The following FRMD4A variants were observed in gnomAD, a reference collection of about 807,000 sequenced individuals.
FRMD4A encodes FERM domain-containing protein 4A.
Under a neutral mutation model 129.1 loss-of-function variants are expected in FRMD4A, and 29 were observed. The ratio of observed to expected loss-of-function variants is 0.22; its 90% CI spans 0.17 to 0.31. FRMD4A has a LOEUF of 0.31. Among genes scored for constraint, FRMD4A ranks in the 10% least tolerant of loss-of-function variants. The pLI, the probability that FRMD4A is intolerant of heterozygous loss-of-function variation, is 1.00. For synonymous variants in FRMD4A, 634 were observed against 571.6 expected (o/e 1.11, Z -1.56); for missense variants, 1,272 against 1,375.8 (o/e 0.92, Z 1.19).
At chr10:14,282,788 G>A (rs1845563880) in intron 2 of FRMD4A, among the ~76,000 whole-genome samples, 1 of 152,110 alleles carries the variant, frequency 6.6e-6, no homozygotes, top group Non-Finnish European at 1.5e-5. Context: ...ATTTAGCTGT[G>A]GTGAAAATTT....
chr10:14,082,892 A>G (rs532192533), intron 2 of FRMD4A: 1 of 152,362 alleles, frequency 6.6e-6, no homozygotes, highest in Admixed American at 6.5e-5. Context: ...TGTTCCCAGC[A>G]CCTAGCAGAG....
intron 8 of FRMD4A, among the ~76,000 whole-genome samples, chr10:13,754,624 T>A (rs1043828404): frequency 3.0e-4 from 45 of 151,900 alleles, no homozygotes; most frequent in African/African-American, 1.0e-3. Flanking sequence ...AAATAGTATA[T>A]GAGAATTATA....
intron 12 of FRMD4A, among the ~76,000 whole-genome samples, chr10:13,708,507 C>T (rs1365975529): frequency 2.6e-5 from 4 of 152,350 alleles, no homozygotes; most frequent in South Asian, 2.1e-4. Context: ...TCTCTTATTA[C>T]AGAGTTGCCT....
chr10:13,866,053 C>G (rs1411242039), intron 2 of FRMD4A, among the ~76,000 whole-genome samples: 1 of 152,156 alleles, frequency 6.6e-6, no homozygotes, highest in African/African-American at 2.4e-5. Context: ...TTCTGATATT[C>G]ATTTTTGAGA....
chr10:14,020,789 T>C (rs1588794455), intron 2 of FRMD4A, among the ~76,000 whole-genome samples: 1 of 151,648 alleles, frequency 6.6e-6, no homozygotes, highest in African/African-American at 2.4e-5. Flanking sequence ...GAGTGAAGGC[T>C]GTGCTTAGAA....
At chr10:14,075,232 G>A (rs897144417) in intron 2 of FRMD4A, among the ~76,000 whole-genome samples, 1 of 152,146 alleles carries the variant, frequency 6.6e-6, no homozygotes, top group Non-Finnish European at 1.5e-5. Flanking sequence ...AGCACTTTAT[G>A]TCCTGGTGAA....
chr10:13,938,148 G>A (rs776622687), intron 2 of FRMD4A, among the ~76,000 whole-genome samples: 2 of 152,116 alleles, frequency 1.3e-5, no homozygotes, highest in Admixed American at 6.5e-5. Flanking sequence ...GAATAGCATT[G>A]AATGCATTTC....
In FRMD4A at chr10:14,003,207, G is replaced by A. The variant is rs553960234; in HGVS notation, c.46-144295C>T. 5.3e-5 allele frequency among the ~76,000 whole-genome samples: 8 copies of A among 152,292 alleles called. No individual in the cohort carries two copies. In the South Asian group the frequency reaches 1.7e-3, roughly 32 times the overall value. ...GCACCACGGAATAGAGGAGCAGGAC[G>A]GGGAGAGACGTTTCAGAGCTGGAAT... On this transcript the variant is annotated intron_variant, in intron 2 of 24. Transcript: ENST00000357447.
chr10:13,957,017 T>C (rs1362658363), intron 2 of FRMD4A, among the ~76,000 whole-genome samples: 1 of 152,340 alleles, frequency 6.6e-6, no homozygotes, highest in East Asian at 1.9e-4. Context: ...GTCCAGAACA[T>C]TCTTGCTAAA....
chr10:13,689,033 T>C (rs2085382111), intron 15 of FRMD4A, among the ~76,000 whole-genome samples: 1 of 152,116 alleles, frequency 6.6e-6, no homozygotes, highest in Non-Finnish European at 1.5e-5. Flanking sequence ...AATGACATTC[T>C]TCATTTCTTC....
intron 2 of FRMD4A, among the ~76,000 whole-genome samples, chr10:13,865,484 T>C (rs1415937643): frequency 6.6e-6 from 1 of 150,872 alleles, no homozygotes; most frequent in African/African-American, 2.4e-5. Context: ...AGGGTTTTGC[T>C]CTGTCTCCTA....
At chr10:14,139,505 T>C (rs1380053158) in intron 2 of FRMD4A, among the ~76,000 whole-genome samples, 1 of 152,112 alleles carries the variant, frequency 6.6e-6, no homozygotes, top group Admixed American at 6.6e-5. Flanking sequence ...GCTGGAATAC[T>C]GTGGCTCAAC....
chr10:13,684,963 A>G (rs1246170346), intron 15 of FRMD4A: 3 of 984,426 alleles, frequency 3.0e-6, no homozygotes, highest in African/African-American at 1.7e-5. Context: ...AGGAATAAAT[A>G]TGAGGAAAAG....
chr10:13,952,180 T>C (rs921059357), intron 2 of FRMD4A, among the ~76,000 whole-genome samples: 38 of 151,454 alleles, frequency 2.5e-4, no homozygotes, highest in Admixed American at 7.9e-4. Context: ...ATATGCTTTT[T>C]ATTTTTATTA....
Position 13,863,107 on chromosome 10 carries a change from A to G in FRMD4A, c.46-4195T>C, listed in dbSNP as rs552093503. ...GCTACCATACAATTCTAGCCCAAGC[A>G]GAGGCCTGCCAAGTGCCCTGTGATT... On this transcript the variant is annotated intron_variant, in intron 2 of 24. Transcript: ENST00000357447. Among the ~76,000 whole-genome samples the G allele has an allele frequency of 2.2e-4, 33 of 152,288 alleles. 1 individual carries two copies. In the South Asian group the frequency reaches 6.6e-3, roughly 31 times the overall value.
chr10:13,835,551 C>T (rs1415671266), intron 3 of FRMD4A, among the ~76,000 whole-genome samples: 1 of 152,112 alleles, frequency 6.6e-6, no homozygotes, highest in Non-Finnish European at 1.5e-5. Context: ...CACCTCCCTT[C>T]AGATCAGTGG....
intron 2 of FRMD4A, among the ~76,000 whole-genome samples, chr10:14,092,733 T>C (rs994448047): frequency 6.6e-6 from 1 of 152,222 alleles, no homozygotes; most frequent in African/African-American, 2.4e-5. Context: ...CACAGGCATG[T>C]GGCTGGCACT....
chr10:14,111,636 T>C (rs924782882), intron 2 of FRMD4A, among the ~76,000 whole-genome samples: 1 of 152,140 alleles, frequency 6.6e-6, no homozygotes, highest in East Asian at 1.9e-4. Context: ...AATTCATACA[T>C]ATAAGAAATG....
intron 6 of FRMD4A, among the ~76,000 whole-genome samples, chr10:13,776,371 A>G (rs549872361): frequency 6.6e-6 from 1 of 152,322 alleles, no homozygotes; most frequent in African/African-American, 2.4e-5. Context: ...TCAGCCTCCC[A>G]AAGTGCTGGT....
Sources: gnomAD v4.1 joint callset for allele counts (sites outside exome capture counted in the v4.1 genomes callset) on GRCh38, gnomAD v4.1.1 for gene constraint, MANE v1.5 for transcripts, NCBI Gene and HGNC (gene_info 2026-07-23, HGNC 2026-07-21) for gene names.